SPAG1: variants seen among roughly 807,000 people sequenced by gnomAD.
SPAG1 encodes sperm associated antigen 1.
Under a neutral mutation model 100.5 loss-of-function variants are expected in SPAG1, and 69 were observed. That is an observed-to-expected ratio of 0.69 (90% CI 0.57 to 0.84). The LOEUF is 0.84. Ranked by LOEUF, SPAG1 falls within the 40% of genes least tolerant of loss-of-function variation. The probability of loss-of-function intolerance (pLI) is 0.00; values close to 1 mark genes in which losing one functional copy is unlikely to be tolerated. For missense variants in SPAG1, 955 were observed against 1,133.1 expected (o/e 0.84, Z 2.26); for synonymous variants, 336 against 411.6 (o/e 0.82, Z 2.22).
chr8:100,194,628 C>T, intron 10 of SPAG1: 1 of 414,394 alleles, frequency 2.4e-6, no homozygotes, highest in Non-Finnish European at 4.2e-6. Context: ...GTGTTGGTTT[C>T]AAAACAGGTA....
At chr8:100,195,184 GA>G (rs974483481) in intron 10 of SPAG1, among the ~76,000 whole-genome samples, 4 of 148,734 alleles carry the variant, frequency 2.7e-5, no homozygotes, top group Non-Finnish European at 6.0e-5. Context: ...AAAAGAAAAA[GA>G]AAAAAAGGTT....
intron 1 of SPAG1, among the ~76,000 whole-genome samples, chr8:100,159,599 A>G (rs1815217197): frequency 6.6e-6 from 1 of 152,268 alleles, no homozygotes; most frequent in Middle Eastern, 3.2e-3. Flanking sequence ...ACCCACAATA[A>G]GAAATATAGT....
chr8:100,232,688 C>T (rs1364245383), intron 15 of SPAG1, among the ~76,000 whole-genome samples: 1 of 152,194 alleles, frequency 6.6e-6, no homozygotes, highest in Non-Finnish European at 1.5e-5. Flanking sequence ...TTTGTTCCAT[C>T]ATCTCATTCT....
intron 7 of SPAG1, 144 bp downstream of exon 7, chr8:100,184,877 T>G (rs1378894704): frequency 5.1e-6 from 3 of 583,422 alleles, no homozygotes; most frequent in Non-Finnish European, 8.8e-6. Flanking sequence ...TCACTTGTGT[T>G]TCTCCTATTT....
At chr8:100,169,355 G>A (rs1815716296) in intron 3 of SPAG1, among the ~76,000 whole-genome samples, 1 of 152,110 alleles carries the variant, frequency 6.6e-6, no homozygotes, top group African/African-American at 2.4e-5. Flanking sequence ...GGAGTTTTAG[G>A]CTATCATGCA....
Position 100,177,808 on chromosome 8 carries a change from A to G in SPAG1, c.301-8A>G, listed in dbSNP as rs371427575. 3.2e-4 allele frequency: 458 copies of G among 1,448,478 alleles called. 1 individual carries two copies. Among genetic ancestry groups the G allele is most frequent in the Middle Eastern group, 1.7e-3 (10 of 5,724 alleles). The allele number at this position is 1,448,478 out of a possible 1,614,324, so 89.7% of individuals were successfully genotyped here. On this transcript the variant is annotated splice_polypyrimidine_tract_variant and splice_region_variant and intron_variant, in intron 3 of 18. Coordinates refer to ENST00000388798, the MANE Select transcript of SPAG1 (RefSeq NM_003114.5). ...AAACTATATATTTACCCTTTTCTCT[A>G]TTCTCAGAGTTGGGTATCAGAAATT...
chr8:100,241,171 ACATG>A lies in SPAG1; in HGVS notation c.*150_*153del. 1.7e-6 allele frequency: 1 copy of A among 578,822 alleles called. No homozygotes were observed. Among genetic ancestry groups the A allele is most frequent in the Non-Finnish European group, 2.8e-6 (1 of 353,192 alleles). 35.9% of individuals were successfully genotyped at this position (578,822 alleles called of 1,614,324 possible). ...CATTTTACTTATTTTCCTACATAGA[ACATG>A]TATATTCTACAATCTGCTTTTTATT... is the stretch of plus-strand genomic sequence containing the variant. On this transcript the variant is annotated 3_prime_UTR_variant, in exon 19 of 19. Transcript: ENST00000388798. The surrounding 1 kb of genome is among the most constrained non-coding windows in gnomAD (Gnocchi z 5.1).
intron 14 of SPAG1, among the ~76,000 whole-genome samples, chr8:100,229,511 G>C (rs947456295): frequency 6.6e-6 from 1 of 152,168 alleles, no homozygotes; most frequent in African/African-American, 2.4e-5. Context: ...CTGTTATTCT[G>C]TTCATCTGAA....
At chr8:100,163,482 T>C (rs1170962858) in intron 2 of SPAG1, among the ~76,000 whole-genome samples, 2 of 151,878 alleles carry the variant, frequency 1.3e-5, no homozygotes, top group African/African-American at 4.8e-5. Flanking sequence ...TGAGCAATCC[T>C]CCTGCTTTGG....
At chr8:100,168,821 G>A (rs1464038960) in intron 3 of SPAG1, among the ~76,000 whole-genome samples, 5 of 151,678 alleles carry the variant, frequency 3.3e-5, no homozygotes, top group African/African-American at 9.7e-5. Context: ...CTGAGTAGCT[G>A]GGATTACAGG....
intron 10 of SPAG1, among the ~76,000 whole-genome samples, chr8:100,205,754 T>C (rs7459481): frequency 0.63 from 96,030 of 151,826 alleles, 30,812 homozygotes; most frequent in African/African-American, 0.74. Context: ...TGGTGGTTCA[T>C]GCCTGTAATC....
intron 9 of SPAG1, among the ~76,000 whole-genome samples, chr8:100,192,239 C>A (rs1816847686): frequency 6.6e-6 from 1 of 152,090 alleles, no homozygotes; most frequent in Non-Finnish European, 1.5e-5. Context: ...CTGAGGCAGG[C>A]AAATCACCTG....
intron 2 of SPAG1, 108 bp downstream of exon 2, chr8:100,162,528 A>C: frequency 1.1e-6 from 1 of 893,182 alleles, no homozygotes; most frequent in Non-Finnish European, 1.7e-6. Context: ...TTGCCCATGC[A>C]TGGTAGGTCC....
Position 100,218,516 on chromosome 8 carries a change from C to T in SPAG1, c.1536-1763C>T, listed in dbSNP as rs534799712. ...CTAAGCTAAATTTAAGGCAGTGGTACAGGTGACAGATCCTGATGCCCACAG... is the reference window on the plus strand; with the variant it reads ...CTAAGCTAAATTTAAGGCAGTGGTATAGGTGACAGATCCTGATGCCCACAG... On this transcript the variant is annotated intron_variant, in intron 12 of 18. Coordinates refer to ENST00000388798, the MANE Select transcript of SPAG1 (RefSeq NM_003114.5). 3.3e-5 allele frequency among the ~76,000 whole-genome samples: 5 copies of T among 152,328 alleles called. No homozygotes were observed. The South Asian group carries it at 8.3e-4, about 25-fold the overall frequency.
intron 3 of SPAG1, among the ~76,000 whole-genome samples, chr8:100,173,697 T>C (rs1332067356): frequency 6.6e-6 from 1 of 152,170 alleles, no homozygotes; most frequent in Non-Finnish European, 1.5e-5. Flanking sequence ...AATTAAGACA[T>C]AGGCCCTGCC....
intron 2 of SPAG1, among the ~76,000 whole-genome samples, chr8:100,164,430 A>G: frequency 6.6e-6 from 1 of 151,944 alleles, no homozygotes; most frequent in East Asian, 1.9e-4. Context: ...ATTTTTTTTT[A>G]TTTTTATTTT....
intron 10 of SPAG1, among the ~76,000 whole-genome samples, chr8:100,202,980 G>A (rs1424930689): frequency 6.6e-6 from 1 of 152,158 alleles, no homozygotes; most frequent in Non-Finnish European, 1.5e-5. Flanking sequence ...CAGCCTTGGC[G>A]TTTGTGCTGG....
chr8:100,174,418 G>A (rs980763649), intron 3 of SPAG1, among the ~76,000 whole-genome samples: 2 of 152,330 alleles, frequency 1.3e-5, no homozygotes, highest in East Asian at 3.9e-4. Flanking sequence ...CATAGGAGGT[G>A]TTGGTTTTGC....
chr8:100,183,547 C>T (rs1161052323), intron 5 of SPAG1, 111 bp downstream of exon 5: 1 of 554,278 alleles, frequency 1.8e-6, no homozygotes, highest in Non-Finnish European at 3.2e-6. Context: ...GTCAAGAATA[C>T]CAAATTACTT....
Sources: gnomAD v4.1 joint callset for allele counts (sites outside exome capture counted in the v4.1 genomes callset) on GRCh38, gnomAD v4.1.1 for gene constraint, Gnocchi (gnomAD v3.1) non-coding constraint, MANE v1.5 for transcripts, NCBI Gene and HGNC (gene_info 2026-07-23, HGNC 2026-07-21) for gene names.